Variants in LRCH1 observed in about 807,000 individuals in gnomAD.
The protein encoded by LRCH1 is leucine rich repeats and calponin homology domain containing 1.
Under a neutral mutation model 94.9 loss-of-function variants are expected in LRCH1, and 23 were observed. That is an observed-to-expected ratio of 0.24 (90% confidence interval 0.17 to 0.34). The LOEUF is 0.34. Among genes scored for constraint, LRCH1 ranks in the 10% least tolerant of loss-of-function variants. The pLI, the probability that LRCH1 is intolerant of heterozygous loss-of-function variation, is 1.00. For missense variants in LRCH1, 790 were observed against 945.9 expected (o/e 0.84, Z 2.16); for synonymous variants, 364 against 354.9 (o/e 1.03, Z -0.29).
At chr13:46,714,444 T>A (rs1872222694) in intron 15 of LRCH1, among the ~76,000 whole-genome samples, 1 of 152,240 alleles carries the variant, frequency 6.6e-6, no homozygotes, top group Non-Finnish European at 1.5e-5. Context: ...CATATAGTTT[T>A]AAAAGAAACC....
intron 1 of LRCH1, among the ~76,000 whole-genome samples, chr13:46,582,370 C>CTTTTTTTTTTTTTTTTTTTTTTT: frequency 1.3e-5 from 1 of 79,600 alleles, no homozygotes. Flanking sequence ...TTGCTCTCAT[C>CTTTTTTTTTTTTTTTTTTTTTTT]TTTTTTTTTT....
downstream of LRCH1, among the ~76,000 whole-genome samples, chr13:46,748,160 T>C (rs1873984686): frequency 6.6e-6 from 1 of 152,216 alleles, no homozygotes; most frequent in Non-Finnish European, 1.5e-5. Context: ...GTTGCTTTGC[T>C]CTTTTCCTTT....
At chr13:46,632,316 C>T (rs1053486701) in intron 1 of LRCH1, among the ~76,000 whole-genome samples, 3 of 152,020 alleles carry the variant, frequency 2.0e-5, no homozygotes, top group Non-Finnish European at 4.4e-5. Context: ...TACTGGCAGT[C>T]CCCCATTTGC....
At chr13:46,617,961 C>T (rs1474372482) in intron 1 of LRCH1, among the ~76,000 whole-genome samples, 1 of 152,150 alleles carries the variant, frequency 6.6e-6, no homozygotes, top group Non-Finnish European at 1.5e-5. Context: ...GATACAGCCC[C>T]TATCTTCAAT....
intron 19 of LRCH1, among the ~76,000 whole-genome samples, chr13:46,737,068 C>T (rs935755735): frequency 1.3e-5 from 2 of 152,132 alleles, no homozygotes; most frequent in African/African-American, 2.4e-5. Context: ...TCCCCATAAA[C>T]GCAGTCCCAG....
At position 46,744,562 on chromosome 13, in the gene LRCH1, A is replaced by G. The variant is rs1312202645; in HGVS notation, c.*2714A>G. 3.0e-6 allele frequency: 3 copies of G among 985,282 alleles called. No individual in the cohort carries two copies. In the East Asian group the frequency reaches 3.4e-4, roughly 112 times the overall value. 61.0% of individuals were successfully genotyped at this position (985,282 alleles called of 1,614,324 possible). A position where few individuals can be genotyped will look rare whatever the true frequency, so the allele number is the denominator to read the frequency against. Reference sequence around the variant, plus strand: ...CCCCGCAGAACTACAATGTATGATAATCGAGTATAAATTTCATCAATGAGA... The same window carrying G: ...CCCCGCAGAACTACAATGTATGATAGTCGAGTATAAATTTCATCAATGAGA... On this transcript the variant is annotated 3_prime_UTR_variant, in exon 20 of 20. Transcript: ENST00000389797.
At chr13:46,591,349 C>A (rs766256500) in intron 1 of LRCH1, among the ~76,000 whole-genome samples, 6 of 152,140 alleles carry the variant, frequency 3.9e-5, no homozygotes, top group Non-Finnish European at 7.3e-5. Flanking sequence ...TAAGGATAAA[C>A]CCTCATTAAT....
chr13:46,713,409 T>C (rs1323566366), intron 15 of LRCH1, among the ~76,000 whole-genome samples: 1 of 152,222 alleles, frequency 6.6e-6, no homozygotes, highest in African/African-American at 2.4e-5. Flanking sequence ...GTTCTTGAGT[T>C]CTCCAGTAAA....
chr13:46,689,982 A>C (rs975997972), intron 7 of LRCH1, among the ~76,000 whole-genome samples: 14 of 152,098 alleles, frequency 9.2e-5, no homozygotes, highest in African/African-American at 3.4e-4. Flanking sequence ...TGTAGTTACT[A>C]AGTTAACATT....
At chr13:46,594,955 A>G (rs2050542776) in intron 1 of LRCH1, among the ~76,000 whole-genome samples, 1 of 152,194 alleles carries the variant, frequency 6.6e-6, no homozygotes, top group African/African-American at 2.4e-5. Context: ...AGTCTCATAA[A>G]TGAACTTCAT....
Position 46,617,430 on chromosome 13 carries a change from A to G in LRCH1, c.308-32771A>G, listed in dbSNP as rs139189647. On this transcript the variant is annotated intron_variant, in intron 1 of 19. Transcript: ENST00000389797. ...GCAAATCTGTGTGGTCCCTTCCAAC[A>G]GTGTTTTTTAAGTTGGTGCCTGAGT... 8.0e-3 allele frequency among the ~76,000 whole-genome samples: 1,219 copies of G among 152,276 alleles called. 24 individuals are homozygous for G. Among genetic ancestry groups the G allele is most frequent in the African/African-American group, 0.027 (1,139 of 41,546 alleles).
At chr13:46,703,269 G>A (rs1871582415) in intron 11 of LRCH1, among the ~76,000 whole-genome samples, 2 of 152,172 alleles carry the variant, frequency 1.3e-5, no homozygotes, top group Admixed American at 1.3e-4. Context: ...CTTGTAGAAA[G>A]AACAGACTTT....
chr13:46,559,945 T>G (rs2050111272), intron 1 of LRCH1, among the ~76,000 whole-genome samples: 1 of 152,182 alleles, frequency 6.6e-6, no homozygotes, highest in Admixed American at 6.5e-5. Flanking sequence ...AATAACTCTT[T>G]GTAATAAACA....
chr13:46,570,573 C>T (rs181521212), intron 1 of LRCH1, among the ~76,000 whole-genome samples: 19 of 152,346 alleles, frequency 1.2e-4, no homozygotes, highest in Admixed American at 9.8e-4. Flanking sequence ...TTACTCTCTG[C>T]ATGGCCTAGC....
At chr13:46,681,895 T>G in intron 4 of LRCH1, 49 bp downstream of exon 4, 1 of 1,247,112 alleles carries the variant, frequency 8.0e-7, no homozygotes, top group Non-Finnish European at 1.2e-6. Flanking sequence ...TTGCATTATT[T>G]TATGTTTTGG....
At chr13:46,646,127 C>T (rs1006189054) in intron 1 of LRCH1, among the ~76,000 whole-genome samples, 21 of 151,980 alleles carry the variant, frequency 1.4e-4, no homozygotes, top group African/African-American at 4.4e-4. Context: ...TCTAAACATT[C>T]GTGAAAGGAG....
rs191321369 is a variant in LRCH1, at chr13:46,690,379, A to C, written c.1014+1183A>C. ...TTTTAATTCATCCTCTTCAACTCCT[A>C]AGTCCTCGCAAATGGACCATTGTTT... On this transcript the variant is annotated intron_variant, in intron 7 of 19. Transcript: ENST00000389797. Among the ~76,000 whole-genome samples the C allele has an allele frequency of 2.1e-3, 320 of 152,288 alleles. 1 individual carries two copies. Among genetic ancestry groups the C allele is most frequent in the African/African-American group, 7.2e-3 (298 of 41,570 alleles).
intron 3 of LRCH1, chr13:46,680,205 C>T (rs573811222): frequency 1.1e-4 from 16 of 152,274 alleles, no homozygotes; most frequent in African/African-American, 3.6e-4. Flanking sequence ...ATCCTGGGTC[C>T]TAGGGTCCTG....
chr13:46,582,305 G>A (rs2050377398), intron 1 of LRCH1, among the ~76,000 whole-genome samples: 1 of 147,836 alleles, frequency 6.8e-6, no homozygotes, highest in African/African-American at 2.5e-5. Context: ...TGAGCATGTT[G>A]AAAGACACAA....
Sources: gnomAD v4.1 joint callset for allele counts (sites outside exome capture counted in the v4.1 genomes callset) on GRCh38, gnomAD v4.1.1 for gene constraint, MANE v1.5 for transcripts, NCBI Gene and HGNC (gene_info 2026-07-23, HGNC 2026-07-21) for gene names.